EXOC6B: variants seen among roughly 807,000 people sequenced by gnomAD.
EXOC6B encodes SEC15 homolog B.
EXOC6B carries 54 observed loss-of-function variants against 113.5 expected under a neutral mutation model. That is an observed-to-expected ratio of 0.48 (90% confidence interval 0.38 to 0.60). The LOEUF (loss-of-function observed/expected upper bound fraction) is 0.60, where lower values mean the gene tolerates loss of function less well. Ranked by LOEUF, EXOC6B falls within the 20% of genes least tolerant of loss-of-function variation. The pLI is 0.00. For missense variants in EXOC6B, 797 were observed against 977.5 expected (o/e 0.82, Z 2.46); for synonymous variants, 357 against 339.0 (o/e 1.05, Z -0.58).
intron 6 of EXOC6B, among the ~76,000 whole-genome samples, chr2:72,701,918 TC>T (rs1678375381): frequency 6.6e-6 from 1 of 150,870 alleles, no homozygotes; most frequent in Non-Finnish European, 1.5e-5. Context: ...CACTTGTATT[TC>T]TTTTTTTTTT....
Position 72,826,018 on chromosome 2 carries a change from C to T in EXOC6B, c.-108G>A. 6.7e-7 allele frequency: 1 copy of T among 1,490,740 alleles called. No individual in the cohort carries two copies. The highest frequency in any genetic ancestry group is 9.0e-7 in the Non-Finnish European group (1 of 1,117,278). 92.3% of individuals were successfully genotyped at this position (1,490,740 alleles called of 1,614,324 possible). On this transcript the variant is annotated 5_prime_UTR_variant, in exon 1 of 22. Transcript: ENST00000272427. ...GCTCCACAGCCGCCCCAGCCTCTGG[C>T]TACCCGCAGGCCGACCCCTCCCTCA...
chr2:72,541,289 C>A (rs1702588336), intron 8 of EXOC6B, among the ~76,000 whole-genome samples: 1 of 152,216 alleles, frequency 6.6e-6, no homozygotes. Flanking sequence ...AATTAAACTT[C>A]TTTTTCTTCC....
chr2:72,768,608 G>A (rs895266578), intron 1 of EXOC6B, among the ~76,000 whole-genome samples: 2 of 104,694 alleles, frequency 1.9e-5, no homozygotes, highest in Admixed American at 2.1e-4. Flanking sequence ...CCCGGCCTAA[G>A]CTTTTTTTTT....
intron 8 of EXOC6B, among the ~76,000 whole-genome samples, chr2:72,550,242 C>T (rs1037676797): frequency 1.3e-5 from 2 of 152,010 alleles, no homozygotes; most frequent in African/African-American, 2.4e-5. Context: ...TTATGAGGAA[C>T]TATCCTTTAC....
chr2:72,636,369 G>GAAGGAAGGAAGGAAGGAAGGAAGC (rs771182488), intron 6 of EXOC6B, among the ~76,000 whole-genome samples: 61 of 96,618 alleles, frequency 6.3e-4, no homozygotes, highest in African/African-American at 3.6e-3. Flanking sequence ...AGGAAGGAAG[G>GAAGGAAGGAAGGAAGGAAGGAAGC]AAGCAAGGAA....
intron 7 of EXOC6B, among the ~76,000 whole-genome samples, 179 bp from the exon 8 acceptor site, chr2:72,559,700 T>C (rs1386332233): frequency 1.3e-5 from 2 of 152,078 alleles, no homozygotes; most frequent in Admixed American, 6.5e-5. Context: ...GTTTTAGCCA[T>C]AGAATTAATA....
At chr2:72,792,322 A>C (rs1684719830) in intron 1 of EXOC6B, among the ~76,000 whole-genome samples, 1 of 152,184 alleles carries the variant, frequency 6.6e-6, no homozygotes, top group African/African-American at 2.4e-5. Context: ...CATCTAAGCC[A>C]AAAAGATATG....
Position 72,585,323 on chromosome 2 carries a change from T to C in EXOC6B, c.670-9655A>G, listed in dbSNP as rs4414706. On this transcript the variant is annotated intron_variant, in intron 6 of 21. Coordinates refer to ENST00000272427, the MANE Select transcript of EXOC6B (RefSeq NM_015189.3). ...ATCAGAAATGACAAAGATGGCCAGG[T>C]GCAGTGGCTCATGCCTGTAATCCCA... is the stretch of plus-strand genomic sequence containing the variant. Among the ~76,000 whole-genome samples the C allele has an allele frequency of 5.3e-3, 812 of 152,112 alleles. 14 individuals are homozygous for C. Among genetic ancestry groups the C allele is most frequent in the African/African-American group, 0.018 (739 of 41,512 alleles).
intron 12 of EXOC6B, 53 bp from the exon 13 acceptor site, chr2:72,498,604 C>G (rs1455097994): frequency 6.4e-6 from 7 of 1,092,756 alleles, no homozygotes; most frequent in South Asian, 1.7e-5. Context: ...GTTTTTTTTT[C>G]GGTTTTTTTT....
At position 72,643,810 on chromosome 2, in the gene EXOC6B, AAAATAAAT is replaced by A. The variant is rs143948551; in HGVS notation, c.670-68150_670-68143del. ...AAAAAGAAGCAATAAAAAAAATTAA[AAAATAAAT>A]AAATAAATAAATAAATAAAAAAGAA... is the stretch of plus-strand genomic sequence containing the variant. On this transcript the variant is annotated intron_variant, in intron 6 of 21. Transcript: ENST00000272427. Among the ~76,000 whole-genome samples, 582 of 150,834 alleles carry A rather than the reference AAAATAAAT, an allele frequency of 3.9e-3. 16 individuals carry two copies. The highest frequency in any genetic ancestry group is 0.035 in the Admixed American group (528 of 15,148).
In EXOC6B at chr2:72,669,072, G is replaced by C. The variant is rs368886801; in HGVS notation, c.669+49031C>G. Among the ~76,000 whole-genome samples the C allele has an allele frequency of 1.4e-4, 22 of 152,006 alleles. 2 individuals carry two copies. Among genetic ancestry groups the C allele is most frequent in the African/African-American group, 4.6e-4 (19 of 41,484 alleles). ...ATTGCATTCTAGCCTGGGTGACACA[G>C]CAAGACCTTATATCAAAAAATATAT... On this transcript the variant is annotated intron_variant, in intron 6 of 21. Coordinates refer to ENST00000272427, the MANE Select transcript of EXOC6B (RefSeq NM_015189.3).
chr2:72,470,344 G>A (rs972421889), intron 17 of EXOC6B, among the ~76,000 whole-genome samples: 7 of 152,046 alleles, frequency 4.6e-5, no homozygotes, highest in African/African-American at 1.7e-4. Context: ...TGAAGCTATT[G>A]TAAATAGGAC....
intron 20 of EXOC6B, among the ~76,000 whole-genome samples, chr2:72,190,023 C>T (rs1250973855): frequency 6.7e-6 from 1 of 150,170 alleles, no homozygotes; most frequent in Admixed American, 6.7e-5. Context: ...CCCTCCCTTC[C>T]TTCCTTCTTC....
chr2:72,592,451 C>T (rs1231968477), intron 6 of EXOC6B, among the ~76,000 whole-genome samples: 1 of 152,044 alleles, frequency 6.6e-6, no homozygotes, highest in Non-Finnish European at 1.5e-5. Flanking sequence ...ACTGACTGTC[C>T]CTTGCAGGAA....
At chr2:72,677,034 A>G (rs1676361524) in intron 6 of EXOC6B, among the ~76,000 whole-genome samples, 1 of 152,226 alleles carries the variant, frequency 6.6e-6, no homozygotes, top group South Asian at 2.1e-4. Flanking sequence ...GAAGAAAAAC[A>G]CAAATGACTA....
intron 18 of EXOC6B, among the ~76,000 whole-genome samples, chr2:72,412,807 C>T (rs55840408): frequency 0.21 from 32,490 of 152,110 alleles, 6,609 homozygotes; most frequent in African/African-American, 0.54. Context: ...CTCATCATCA[C>T]CTTTTTTAGA....
chr2:72,413,813 A>G (rs1387652561), intron 18 of EXOC6B, among the ~76,000 whole-genome samples: 3 of 152,160 alleles, frequency 2.0e-5, no homozygotes, highest in Non-Finnish European at 2.9e-5. Flanking sequence ...TACAGACTGT[A>G]TGTATCACCA....
intron 7 of EXOC6B, among the ~76,000 whole-genome samples, chr2:72,573,744 T>C (rs530719478): frequency 6.6e-6 from 1 of 152,292 alleles, no homozygotes; most frequent in South Asian, 2.1e-4. Context: ...CAATATAAAC[T>C]TTAAAAATGA....
chr2:72,723,674 A>T (rs1680138130), intron 5 of EXOC6B, among the ~76,000 whole-genome samples: 1 of 151,898 alleles, frequency 6.6e-6, no homozygotes, highest in East Asian at 1.9e-4. Context: ...CGCTAGAGAT[A>T]GAAAGATGTT....
Sources: allele counts gnomAD v4.1 joint callset (sites outside exome capture counted in the v4.1 genomes callset), GRCh38; gene constraint gnomAD v4.1.1; transcripts MANE v1.5; gene names NCBI Gene and HGNC (gene_info 2026-07-23, HGNC 2026-07-21).